Variants in MAP3K8 observed in about 807,000 individuals in gnomAD.
The protein encoded by MAP3K8 is mitogen-activated protein kinase kinase kinase 8.
A neutral mutation model predicts 45.8 loss-of-function variants in MAP3K8; 22 were observed. The ratio of observed to expected loss-of-function variants is 0.48; its 90% CI spans 0.34 to 0.69. The LOEUF (loss-of-function observed/expected upper bound fraction) is 0.69. Among genes scored for constraint, MAP3K8 ranks in the 30% least tolerant of loss-of-function variants. MAP3K8 has a pLI of 0.01. For synonymous variants in MAP3K8, 223 were observed against 214.3 expected (o/e 1.04, Z -0.36); for missense variants, 419 against 585.0 (o/e 0.72, Z 2.93).
At chr10:30,450,169 G>A (rs1836486915) in intron 4 of MAP3K8, 89 bp from the exon 5 acceptor site, 1 of 1,273,026 alleles carries the variant, frequency 7.9e-7, no homozygotes, top group Non-Finnish European at 1.1e-6. Context: ...GCATTTATTT[G>A]CCTTTTGTTT....
intron 6 of MAP3K8, among the ~76,000 whole-genome samples, chr10:30,453,109 C>T (rs868841518): frequency 1.3e-5 from 2 of 152,248 alleles, no homozygotes; most frequent in South Asian, 4.1e-4. Flanking sequence ...ATTTTACAAT[C>T]AAGGAAATAA....
intron 3 of MAP3K8, among the ~76,000 whole-genome samples, chr10:30,442,553 AAAT>A (rs1836150328): frequency 6.6e-6 from 1 of 152,240 alleles, no homozygotes; most frequent in Non-Finnish European, 1.5e-5. Flanking sequence ...ATTTGACTAA[AAAT>A]AATATTTGTT....
In MAP3K8 at chr10:30,434,335, C is replaced by A; in HGVS notation, c.-298C>A. ...GCATCGCACCGAACCTTCGGGGGGC[C>A]GCGGCTGGAGCGCTCGGCCGGCGTG... On this transcript the variant is annotated 5_prime_UTR_variant, in exon 1 of 9. Transcript: ENST00000263056. 1.9e-6 allele frequency: 1 copy of A among 535,246 alleles called. No homozygotes were observed. The highest frequency in any genetic ancestry group is 2.4e-6 in the Non-Finnish European group (1 of 418,358). 33.2% of individuals were successfully genotyped at this position (535,246 alleles called of 1,614,324 possible).
chr10:30,438,770 A>G (rs1288084066), intron 2 of MAP3K8, 146 bp from the exon 3 acceptor site: 11 of 573,472 alleles, frequency 1.9e-5, no homozygotes, highest in Non-Finnish European at 2.8e-5. Context: ...GTCAACTTGA[A>G]TTCATACACA....
chr10:30,448,686 C>G (rs1462574972), intron 4 of MAP3K8, among the ~76,000 whole-genome samples: 1 of 152,042 alleles, frequency 6.6e-6, no homozygotes, highest in Non-Finnish European at 1.5e-5. Flanking sequence ...ACCTGCCTAG[C>G]CTTCCAAAGT....
At chr10:30,455,853 C>G (rs1475709596) in intron 6 of MAP3K8, among the ~76,000 whole-genome samples, 1 of 152,224 alleles carries the variant, frequency 6.6e-6, no homozygotes, top group African/African-American at 2.4e-5. Context: ...TTCTAATCAG[C>G]CAGAGTGCTC....
intron 7 of MAP3K8, 26 bp downstream of exon 7, chr10:30,458,262 G>A: frequency 7.6e-7 from 1 of 1,311,646 alleles, no homozygotes; most frequent in Non-Finnish European, 1.0e-6. Context: ...CCAGGGCTGG[G>A]GGCGGCGGGG....
intron 3 of MAP3K8, among the ~76,000 whole-genome samples, chr10:30,445,368 C>T (rs890354515): frequency 1.6e-4 from 24 of 152,300 alleles, no homozygotes; most frequent in African/African-American, 4.6e-4. Context: ...TCCACTCCAG[C>T]CACTGCACTC....
At chr10:30,454,708 C>T (rs547997874) in intron 6 of MAP3K8, among the ~76,000 whole-genome samples, 64 of 151,540 alleles carry the variant, frequency 4.2e-4, no homozygotes, top group African/African-American at 1.4e-3. Flanking sequence ...GGATTCTTGA[C>T]GGTTGTCTTT....
At chr10:30,459,672 A>G (rs546800928) in intron 8 of MAP3K8, among the ~76,000 whole-genome samples, 171 bp downstream of exon 8, 1 of 150,602 alleles carries the variant, frequency 6.6e-6, no homozygotes, top group Non-Finnish European at 1.5e-5. Context: ...TTTTTTTTTT[A>G]AATTGGCTAA....
chr10:30,460,879 T>C lies in MAP3K8; in HGVS notation c.*43T>C. On this transcript the variant is annotated 3_prime_UTR_variant, in exon 9 of 9. Transcript: ENST00000263056. ...CTAAATTAAGACAGCATTGATCTCC[T>C]GGAGGCTGGTTCTGCTGCCTCTACA... 1.2e-6 allele frequency: 2 copies of C among 1,607,648 alleles called. No homozygotes were observed. Among genetic ancestry groups the C allele is most frequent in the Non-Finnish European group, 1.7e-6 (2 of 1,178,480 alleles).
chr10:30,436,584 T>A (rs1400713142), intron 1 of MAP3K8, among the ~76,000 whole-genome samples: 1 of 151,912 alleles, frequency 6.6e-6, no homozygotes, highest in South Asian at 2.1e-4. Context: ...AAAACTAACA[T>A]CTTGTCTTAC....
intron 4 of MAP3K8, among the ~76,000 whole-genome samples, chr10:30,450,014 A>G (rs969715291): frequency 6.6e-6 from 1 of 152,202 alleles, no homozygotes; most frequent in African/African-American, 2.4e-5. Context: ...CTTCTAAATG[A>G]AAAGAGTAAC....
intron 1 of MAP3K8, among the ~76,000 whole-genome samples, chr10:30,435,323 G>A (rs185362399): frequency 6.6e-6 from 1 of 152,144 alleles, no homozygotes; most frequent in Non-Finnish European, 1.5e-5. Context: ...TCTCTGCGAC[G>A]GATTGAGGTT....
chr10:30,434,096 C>G (rs1835835335), upstream of MAP3K8: 1 of 153,450 alleles, frequency 6.5e-6, no homozygotes, highest in Non-Finnish European at 1.5e-5. Context: ...CGGTGGCTGG[C>G]GTCCGCTGCG....
chr10:30,437,361 A>G lies in MAP3K8; in HGVS notation c.-69A>G, dbSNP rs1835948183. 5 of 955,662 alleles carry G rather than the reference A, an allele frequency of 5.2e-6. No individual in the cohort carries two copies. Among genetic ancestry groups the G allele is most frequent in the Non-Finnish European group, 6.2e-6 (5 of 802,678 alleles). The allele number at this position is 955,662 out of a possible 1,614,324, so 59.2% of individuals were successfully genotyped here. ...CCATGCCCCTGACACTGCACTGAGC[A>G]CTTTATGAGCTTGAACTCTGTTAAT... On this transcript the variant is annotated 5_prime_UTR_variant, in exon 2 of 9. Coordinates refer to ENST00000263056, the MANE Select transcript of MAP3K8 (RefSeq NM_005204.4).
chr10:30,450,151 T>C, intron 4 of MAP3K8, 107 bp from the exon 5 acceptor site: 1 of 1,040,734 alleles, frequency 9.6e-7, no homozygotes, highest in South Asian at 1.6e-5. Flanking sequence ...GGCAGAGTAT[T>C]CTTGAGGGCA....
upstream of MAP3K8, chr10:30,434,039 CTCTT>C (rs1392743877): frequency 6.5e-6 from 1 of 152,826 alleles, no homozygotes; most frequent in Non-Finnish European, 1.5e-5. Context: ...ACCGGGCAGT[CTCTT>C]TCTGTTTACG....
At position 30,451,773 on chromosome 10, in the gene MAP3K8, T is replaced by C. The variant is rs1269803880; in HGVS notation, c.873+29T>C. On this transcript the variant is annotated intron_variant, in intron 6 of 8. Transcript: ENST00000263056. ...ATTATGTTCACATGAAAAGGGTTAC[T>C]ATTTTATTAAGAATAAAAAGGAAAA... 4.0e-6 allele frequency: 5 copies of C among 1,242,922 alleles called. No homozygotes were observed. The Admixed American group carries it at 6.4e-5, about 16-fold the overall frequency. The allele number at this position is 1,242,922 out of a possible 1,614,324, so 77.0% of individuals were successfully genotyped here. A position where few individuals can be genotyped will look rare whatever the true frequency, so the allele number is the denominator to read the frequency against.
Sources: allele counts gnomAD v4.1 joint callset (sites outside exome capture counted in the v4.1 genomes callset), GRCh38; gene constraint gnomAD v4.1.1; transcripts MANE v1.5; gene names NCBI Gene and HGNC (gene_info 2026-07-23, HGNC 2026-07-21).